The following HPSE2 variants were observed in gnomAD, a reference collection of about 807,000 sequenced individuals.
HPSE2 encodes the protein inactive heparanase-2.
A neutral mutation model predicts 60.5 loss-of-function variants in HPSE2; 38 were observed. The ratio of observed to expected loss-of-function variants is 0.63; its 90% CI spans 0.48 to 0.82. HPSE2 has a LOEUF of 0.82. HPSE2 is among the 40% of genes least tolerant of loss of function. The probability of loss-of-function intolerance (pLI) is 0.00; values close to 1 mark genes in which losing one functional copy is unlikely to be tolerated. For synonymous variants in HPSE2, 295 were observed against 293.2 expected, an observed-to-expected ratio of 1.01 and a Z score of -0.06; for missense variants, 713 against 740.4, an observed-to-expected ratio of 0.96 and a Z score of 0.43.
intron 6 of HPSE2, among the ~76,000 whole-genome samples, chr10:98,662,077 T>G (rs1947239245): frequency 6.6e-6 from 1 of 152,148 alleles, no homozygotes; most frequent in African/African-American, 2.4e-5. Context: ...TGTATTTTAG[T>G]AGAGACAGGG....
At chr10:98,755,084 T>G (rs1949847694) in intron 3 of HPSE2, among the ~76,000 whole-genome samples, 1 of 151,970 alleles carries the variant, frequency 6.6e-6, no homozygotes. Context: ...AAGTGGCAAG[T>G]AGGATAAAGA....
chr10:99,059,669 AT>A (rs1408572837), intron 3 of HPSE2, among the ~76,000 whole-genome samples: 25 of 152,106 alleles, frequency 1.6e-4, no homozygotes, highest in African/African-American at 5.8e-4. Flanking sequence ...CGACAAATGC[AT>A]GTCATTTTCA....
intron 3 of HPSE2, among the ~76,000 whole-genome samples, chr10:99,058,555 C>T (rs886725341): frequency 2.3e-4 from 35 of 152,124 alleles, no homozygotes; most frequent in Non-Finnish European, 4.3e-4. Flanking sequence ...ATATTCACTC[C>T]TCTTGACTAG....
intron 9 of HPSE2, among the ~76,000 whole-genome samples, chr10:98,536,148 G>GATGTATGGGCACTTACCC (rs1252678165): frequency 1.3e-5 from 2 of 152,198 alleles, no homozygotes; most frequent in African/African-American, 4.8e-5. Flanking sequence ...TTCTTTTTAA[G>GATGTATGGGCACTTACCC]ATGTATGGGC....
chr10:99,092,217 C>A (rs1321461343), intron 3 of HPSE2, among the ~76,000 whole-genome samples: 1 of 152,122 alleles, frequency 6.6e-6, no homozygotes, highest in East Asian at 1.9e-4. Context: ...AACCATGCAA[C>A]CTCTTCCCAC....
intron 11 of HPSE2, among the ~76,000 whole-genome samples, chr10:98,477,385 G>A (rs546147582): frequency 1.3e-5 from 2 of 152,260 alleles, no homozygotes; most frequent in East Asian, 3.9e-4. Flanking sequence ...CAGATGGCTT[G>A]GCCACAGACT....
intron 2 of HPSE2, among the ~76,000 whole-genome samples, chr10:99,162,995 G>T (rs985128150): frequency 5.9e-5 from 9 of 152,094 alleles, no homozygotes; most frequent in African/African-American, 1.7e-4. Flanking sequence ...AGATCACGAG[G>T]TCAGGAGATT....
At chr10:98,588,531 A>G (rs1468127141) in intron 9 of HPSE2, among the ~76,000 whole-genome samples, 2 of 152,134 alleles carry the variant, frequency 1.3e-5, no homozygotes, top group Admixed American at 1.3e-4. Flanking sequence ...GGAGATCCAC[A>G]AGTTCCTATG....
At chr10:99,236,741 G>A (rs139520507), upstream of HPSE2, among the ~76,000 whole-genome samples, 1 of 152,304 alleles carries the variant, frequency 6.6e-6, no homozygotes, top group African/African-American at 2.4e-5. Flanking sequence ...CCGCAACCGA[G>A]GAATAAGCGT....
intron 7 of HPSE2, among the ~76,000 whole-genome samples, chr10:98,635,192 A>C (rs1000299209): frequency 1.3e-5 from 2 of 152,228 alleles, no homozygotes; most frequent in African/African-American, 4.8e-5. Flanking sequence ...GAAAGAAGGA[A>C]ATGAAGGCAA....
chr10:99,067,489 C>T (rs1207060085), intron 3 of HPSE2, among the ~76,000 whole-genome samples: 2 of 152,164 alleles, frequency 1.3e-5, no homozygotes, highest in Non-Finnish European at 1.5e-5. Flanking sequence ...TGGAGGTTCC[C>T]AAACCTCAAT....
the HPSE2 span, among the ~76,000 whole-genome samples, chr10:99,254,546 GA>G: frequency 5.3e-5 from 8 of 151,694 alleles, no homozygotes; most frequent in East Asian, 1.9e-4. Context: ...TCTAAAAGTT[GA>G]AAAAAAATTT....
Position 98,614,886 on chromosome 10 carries a change from T to A in HPSE2, c.1320+18A>T. On this transcript the variant is annotated intron_variant, in intron 9 of 11. Coordinates refer to ENST00000370552, the MANE Select transcript of HPSE2 (RefSeq NM_021828.5). Reference sequence around the variant, plus strand: ...AATGACATGGAAAAGGGATTGGGAATCTTTATCCCACACTTACTGGTAATG... The same window carrying A: ...AATGACATGGAAAAGGGATTGGGAAACTTTATCCCACACTTACTGGTAATG... The A allele has an allele frequency of 6.7e-7, 1 of 1,492,424 alleles. No individual in the cohort carries two copies. Among genetic ancestry groups the A allele is most frequent in the Non-Finnish European group, 9.4e-7 (1 of 1,068,678 alleles). The allele number at this position is 1,492,424 out of a possible 1,614,324, so 92.4% of individuals were successfully genotyped here. A position where few individuals can be genotyped will look rare whatever the true frequency, so the allele number is the denominator to read the frequency against.
At chr10:99,234,833 A>G (rs1849784671) in intron 1 of HPSE2, among the ~76,000 whole-genome samples, 1 of 151,858 alleles carries the variant, frequency 6.6e-6, no homozygotes, top group South Asian at 2.1e-4. Flanking sequence ...CAGTTACCGC[A>G]GGAGATTTAA....
intron 3 of HPSE2, among the ~76,000 whole-genome samples, chr10:98,994,237 T>C (rs1045940775): frequency 2.6e-5 from 4 of 152,280 alleles, no homozygotes; most frequent in Admixed American, 6.5e-5. Flanking sequence ...TTAAGCAGCA[T>C]GGAGAAGAAG....
At chr10:99,019,757 T>G (rs946237460) in intron 3 of HPSE2, among the ~76,000 whole-genome samples, 10 of 151,702 alleles carry the variant, frequency 6.6e-5, no homozygotes, top group Admixed American at 4.6e-4. Flanking sequence ...TCCCCCAGGC[T>G]GGAGTGCAGT....
chr10:98,846,008 T>A (rs953369699), intron 3 of HPSE2, among the ~76,000 whole-genome samples: 2 of 152,162 alleles, frequency 1.3e-5, no homozygotes, highest in African/African-American at 4.8e-5. Context: ...TGGCATGTGG[T>A]GTGGGATTTC....
intron 9 of HPSE2, among the ~76,000 whole-genome samples, chr10:98,514,442 T>C (rs1373555318): frequency 6.6e-6 from 1 of 152,156 alleles, no homozygotes; most frequent in African/African-American, 2.4e-5. Context: ...ATATATATTT[T>C]ACCACAATAA....
the HPSE2 span, among the ~76,000 whole-genome samples, chr10:99,245,217 T>C: frequency 6.6e-6 from 1 of 152,218 alleles, no homozygotes; most frequent in Non-Finnish European, 1.5e-5. Flanking sequence ...TTCTCACCCC[T>C]GGCTGCACAT....
Sources: allele counts gnomAD v4.1 joint callset (sites outside exome capture counted in the v4.1 genomes callset), GRCh38; gene constraint gnomAD v4.1.1; transcripts MANE v1.5; gene names NCBI Gene and HGNC (gene_info 2026-07-23, HGNC 2026-07-21).